ROBO1: variants seen among roughly 807,000 people sequenced by gnomAD.
The protein encoded by ROBO1 is roundabout homolog 1.
In ROBO1, 149 loss-of-function variants were observed where a neutral mutation model predicts 195.9. The observed-to-expected ratio is 0.76, with a 90% CI of 0.67 to 0.87. The LOEUF is 0.87. ROBO1 is among the 40% of genes least tolerant of loss of function. The pLI is 0.00. For missense variants in ROBO1, 1,933 were observed against 2,068.3 expected (o/e 0.93, Z 1.27); for synonymous variants, 816 against 733.2 (o/e 1.11, Z -1.82).
intron 2 of ROBO1, among the ~76,000 whole-genome samples, chr3:79,221,954 C>G (rs761891657): frequency 6.6e-6 from 1 of 151,938 alleles, no homozygotes; most frequent in Non-Finnish European, 1.5e-5. Flanking sequence ...AATTCTAGTT[C>G]TATTATGGTA....
chr3:78,643,294 C>G (rs927272499), intron 21 of ROBO1, among the ~76,000 whole-genome samples: 2 of 152,182 alleles, frequency 1.3e-5, no homozygotes, highest in African/African-American at 4.8e-5. Context: ...TCTTATAAAA[C>G]TTTATTTACA....
chr3:79,396,160 G>A (rs1405793172), intron 2 of ROBO1, among the ~76,000 whole-genome samples: 2 of 152,094 alleles, frequency 1.3e-5, no homozygotes, highest in East Asian at 1.9e-4. Context: ...GGGCTTTAAT[G>A]TAAAACCAAG....
rs965487771 is a variant in ROBO1, at chr3:78,679,167, G to T, written c.1342+6579C>A. On this transcript the variant is annotated intron_variant, in intron 10 of 30. Transcript: ENST00000464233. Reference sequence around the variant, plus strand: ...CTCTCAATAAATTAGGTATTGATGGGACGTATCTCAAAATAATAAGAGCTA... The same window carrying T: ...CTCTCAATAAATTAGGTATTGATGGTACGTATCTCAAAATAATAAGAGCTA... 5.5e-4 allele frequency among the ~76,000 whole-genome samples: 84 copies of T among 151,802 alleles called. 1 individual carries two copies. Among genetic ancestry groups the T allele is most frequent in the Non-Finnish European group, 1.3e-4 (9 of 67,936 alleles).
chr3:78,909,945 T>A (rs1559989141), intron 4 of ROBO1, among the ~76,000 whole-genome samples: 2 of 151,810 alleles, frequency 1.3e-5, no homozygotes, highest in Admixed American at 6.6e-5. Context: ...TAAAAATCAA[T>A]GATGCTGTAA....
At chr3:79,135,146 T>G (rs2080378497) in intron 2 of ROBO1, among the ~76,000 whole-genome samples, 1 of 152,170 alleles carries the variant, frequency 6.6e-6, no homozygotes, top group Non-Finnish European at 1.5e-5. Context: ...CTTGAACTTA[T>G]TCCTCCTAAC....
At chr3:79,516,610 A>G in intron 2 of ROBO1, among the ~76,000 whole-genome samples, 1 of 152,240 alleles carries the variant, frequency 6.6e-6, no homozygotes, top group South Asian at 2.1e-4. Context: ...TTTATTACAC[A>G]TAGTATATTA....
chr3:79,762,523 A>G (rs1269698429), intron 1 of ROBO1, among the ~76,000 whole-genome samples: 1 of 136,874 alleles, frequency 7.3e-6, no homozygotes, highest in African/African-American at 2.5e-5. Context: ...GAAGGTCTTC[A>G]CAGAAGAAGT....
chr3:79,429,763 G>A (rs2038600242), intron 2 of ROBO1, among the ~76,000 whole-genome samples: 1 of 152,062 alleles, frequency 6.6e-6, no homozygotes, highest in Non-Finnish European at 1.5e-5. Flanking sequence ...CACCAATTAA[G>A]TCTTCTTATT....
chr3:78,613,679 G>C (rs771029720), intron 28 of ROBO1, among the ~76,000 whole-genome samples: 2 of 152,166 alleles, frequency 1.3e-5, no homozygotes, highest in African/African-American at 2.4e-5. Context: ...CATGCTGTGA[G>C]CTTTGTATTA....
chr3:79,381,551 T>C (rs567841763), intron 2 of ROBO1, among the ~76,000 whole-genome samples: 15 of 152,040 alleles, frequency 9.9e-5, no homozygotes, highest in Non-Finnish European at 2.1e-4. Context: ...CTGTTGTAAC[T>C]TATTCCGCAT....
intron 4 of ROBO1, among the ~76,000 whole-genome samples, chr3:78,905,678 T>C (rs1254530943): frequency 6.6e-6 from 1 of 152,030 alleles, no homozygotes; most frequent in African/African-American, 2.4e-5. Context: ...TGACTATACC[T>C]GGAAAAAATG....
chr3:79,661,960 A>G (rs1946342231), intron 1 of ROBO1, among the ~76,000 whole-genome samples: 1 of 152,004 alleles, frequency 6.6e-6, no homozygotes, highest in African/African-American at 2.4e-5. Flanking sequence ...CCTAAGTGTA[A>G]TAATCCTCTT....
intron 2 of ROBO1, among the ~76,000 whole-genome samples, chr3:79,419,385 T>A (rs1289964593): frequency 6.6e-6 from 1 of 152,096 alleles, no homozygotes; most frequent in African/African-American, 2.4e-5. Context: ...TAGTCCAGCC[T>A]CCAGAAAGTG....
At chr3:78,631,588 T>C (rs887413687) in intron 24 of ROBO1, among the ~76,000 whole-genome samples, 2 of 152,200 alleles carry the variant, frequency 1.3e-5, no homozygotes, top group African/African-American at 2.4e-5. Context: ...AATTGCATTA[T>C]GGATTATCAT....
intron 4 of ROBO1, among the ~76,000 whole-genome samples, chr3:78,916,916 CTT>C (rs934877319): frequency 1.5e-4 from 23 of 152,084 alleles, no homozygotes; most frequent in African/African-American, 5.3e-4. Flanking sequence ...ACCAGGAAAA[CTT>C]TCACCCACAA....
At chr3:79,006,642 C>T (rs2077627689) in intron 3 of ROBO1, among the ~76,000 whole-genome samples, 1 of 149,474 alleles carries the variant, frequency 6.7e-6, no homozygotes, top group Non-Finnish European at 1.5e-5. Flanking sequence ...TACATTGAGG[C>T]TGTATTTCCC....
chr3:79,041,904 T>G (rs2078493703), intron 3 of ROBO1, among the ~76,000 whole-genome samples: 1 of 152,226 alleles, frequency 6.6e-6, no homozygotes, highest in Non-Finnish European at 1.5e-5. Flanking sequence ...GACATAATTT[T>G]GCTCTTAGTT....
chr3:79,066,714 C>T (rs2079008886), intron 3 of ROBO1, among the ~76,000 whole-genome samples: 1 of 151,818 alleles, frequency 6.6e-6, no homozygotes, highest in Non-Finnish European at 1.5e-5. Flanking sequence ...ATAATGAGCT[C>T]TGAAAGACAC....
chr3:79,167,703 G>A (rs1338300754), intron 2 of ROBO1, among the ~76,000 whole-genome samples: 1 of 152,144 alleles, frequency 6.6e-6, no homozygotes, highest in Admixed American at 6.6e-5. Context: ...TAATCTTTCT[G>A]CTAATCCAAT....
Sources: gnomAD v4.1 joint callset for allele counts (sites outside exome capture counted in the v4.1 genomes callset) on GRCh38, gnomAD v4.1.1 for gene constraint, MANE v1.5 for transcripts, NCBI Gene and HGNC (gene_info 2026-07-23, HGNC 2026-07-21) for gene names.